NRG3: variants seen among roughly 807,000 people sequenced by gnomAD.
NRG3 encodes pro-neuregulin-3, membrane-bound isoform.
A neutral mutation model predicts 66.9 loss-of-function variants in NRG3; 31 were observed. The ratio of observed to expected loss-of-function variants is 0.46; its 90% CI spans 0.35 to 0.63. NRG3 has a LOEUF of 0.63. Ranked by LOEUF, NRG3 falls within the 20% of genes least tolerant of loss-of-function variation. The probability of loss-of-function intolerance (pLI) is 0.00; values close to 1 mark genes in which losing one functional copy is unlikely to be tolerated. For synonymous variants in NRG3, 393 were observed against 359.4 expected (o/e 1.09, Z -1.06); for missense variants, 910 against 878.9 (o/e 1.04, Z -0.45).
At chr10:82,298,059 A>T (rs1303110390) in intron 1 of NRG3, among the ~76,000 whole-genome samples, 1 of 152,078 alleles carries the variant, frequency 6.6e-6, no homozygotes, top group Non-Finnish European at 1.5e-5. Flanking sequence ...TGAGAGGATC[A>T]CTTGAGTCCA....
chr10:82,236,699 G>GA (rs1278398780), intron 1 of NRG3, among the ~76,000 whole-genome samples: 1 of 142,006 alleles, frequency 7.0e-6, no homozygotes, highest in Admixed American at 7.3e-5. Flanking sequence ...TTCTCCATAT[G>GA]AAAACTAGAA....
chr10:82,179,488 C>G (rs191706616), intron 1 of NRG3, among the ~76,000 whole-genome samples: 42 of 152,036 alleles, frequency 2.8e-4, no homozygotes, highest in Admixed American at 2.1e-3. Flanking sequence ...TTCTGAACAT[C>G]ATTTGTTTAA....
chr10:82,668,816 AG>A (rs1318774273), intron 2 of NRG3, among the ~76,000 whole-genome samples: 1 of 152,134 alleles, frequency 6.6e-6, no homozygotes, highest in Non-Finnish European at 1.5e-5. Context: ...TTTCACAAGT[AG>A]AAGGAAACGA....
intron 1 of NRG3, among the ~76,000 whole-genome samples, chr10:82,105,494 A>T (rs1221811282): frequency 6.6e-6 from 1 of 152,184 alleles, no homozygotes; most frequent in East Asian, 1.9e-4. Context: ...GCATTGCAGC[A>T]TTAATATATG....
chr10:82,863,034 C>T (rs566813419), intron 3 of NRG3, among the ~76,000 whole-genome samples: 1 of 152,200 alleles, frequency 6.6e-6, no homozygotes, highest in East Asian at 1.9e-4. Context: ...CAACAGGCCC[C>T]AGTGTGTGAT....
chr10:82,719,520 G>A (rs144322995), intron 2 of NRG3, among the ~76,000 whole-genome samples: 133 of 152,236 alleles, frequency 8.7e-4, no homozygotes, highest in Non-Finnish European at 2.4e-4. Context: ...CTTGACCAAC[G>A]GCTTTGAGGG....
At position 81,879,933 on chromosome 10, in the gene NRG3, A is replaced by G. The variant is rs117299832; in HGVS notation, c.823+3770A>G. Among the ~76,000 whole-genome samples, 41 of 152,342 alleles carry G rather than the reference A, an allele frequency of 2.7e-4. No homozygotes were observed. The East Asian group carries it at 6.2e-3, about 23-fold the overall frequency. ...GAGTCGAGGCCTTTAAAGGCATCCA[A>G]CGTAGAAGGTACTGACCCCAATCAT... On this transcript the variant is annotated intron_variant, in intron 1 of 8. Transcript: ENST00000372141.
Position 82,870,145 on chromosome 10 carries a change from G to A in NRG3, c.1054+4708G>A, listed in dbSNP as rs1279148377. Among the ~76,000 whole-genome samples, 3 of 151,556 alleles carry A rather than the reference G, an allele frequency of 2.0e-5. No individual in the cohort carries two copies. The East Asian group carries it at 5.8e-4, about 30-fold the overall frequency. ...AGCCTCCCAAAGTGCTAGGATTACA[G>A]GCGTGAGCCACCACGCCTGGCCCCA... On this transcript the variant is annotated intron_variant, in intron 4 of 8. Transcript: ENST00000372141.
At chr10:82,645,541 C>T (rs2050871053) in intron 2 of NRG3, among the ~76,000 whole-genome samples, 1 of 152,206 alleles carries the variant, frequency 6.6e-6, no homozygotes. Context: ...AATGTGCAAA[C>T]TCTTTCTGCC....
intron 1 of NRG3, among the ~76,000 whole-genome samples, chr10:82,279,135 C>A (rs1213445773): frequency 2.0e-5 from 3 of 152,128 alleles, no homozygotes; most frequent in Non-Finnish European, 4.4e-5. Context: ...CATAAATAGT[C>A]ATTTCACAGG....
At chr10:82,076,643 G>C (rs1172860705) in intron 1 of NRG3, among the ~76,000 whole-genome samples, 1 of 152,086 alleles carries the variant, frequency 6.6e-6, no homozygotes, top group Non-Finnish European at 1.5e-5. Flanking sequence ...GTTCACAGGA[G>C]AGCTCCTTGT....
At position 82,321,955 on chromosome 10, in the gene NRG3, T is replaced by C. The variant is rs1394058619; in HGVS notation, c.824-36784T>C. On this transcript the variant is annotated intron_variant, in intron 1 of 8. Coordinates refer to ENST00000372141, the MANE Select transcript of NRG3 (RefSeq NM_001010848.4). ...CTGTCTGAATTAGAGAATAATGGCA[T>C]GATGAGGTCAATGACAGCTCTGAAA... Among the ~76,000 whole-genome samples, 3 of 152,324 alleles carry C rather than the reference T, an allele frequency of 2.0e-5. No individual in the cohort carries two copies. In the East Asian group the frequency reaches 5.8e-4, roughly 29 times the overall value.
chr10:82,346,952 C>T (rs1404749640), intron 1 of NRG3, among the ~76,000 whole-genome samples: 1 of 152,008 alleles, frequency 6.6e-6, no homozygotes, highest in African/African-American at 2.4e-5. Flanking sequence ...TGATTCTTCT[C>T]TCTTTTTTTC....
chr10:81,961,204 G>C (rs952437057), intron 1 of NRG3, among the ~76,000 whole-genome samples: 2 of 152,154 alleles, frequency 1.3e-5, no homozygotes, highest in African/African-American at 2.4e-5. Context: ...CATGAATAAT[G>C]ATGAATTGCA....
chr10:82,092,875 G>A (rs918692456), intron 1 of NRG3, among the ~76,000 whole-genome samples: 1 of 152,136 alleles, frequency 6.6e-6, no homozygotes, highest in Admixed American at 6.5e-5. Context: ...ACTGCTTGGT[G>A]CTGTTGCTGC....
At chr10:82,669,280 A>G (rs2053059448) in intron 2 of NRG3, among the ~76,000 whole-genome samples, 1 of 143,510 alleles carries the variant, frequency 7.0e-6, no homozygotes, top group Non-Finnish European at 1.5e-5. Flanking sequence ...TAATAATAAT[A>G]ATAATAATCA....
intron 2 of NRG3, among the ~76,000 whole-genome samples, chr10:82,702,590 G>C (rs1483125956): frequency 1.3e-5 from 2 of 152,158 alleles, no homozygotes; most frequent in Non-Finnish European, 2.9e-5. Context: ...GTTGGAGTGA[G>C]GCAGATACAG....
chr10:82,160,899 A>C (rs1263981686), intron 1 of NRG3, among the ~76,000 whole-genome samples: 2 of 152,048 alleles, frequency 1.3e-5, no homozygotes, highest in Middle Eastern at 3.2e-3. Context: ...GGGAAATATA[A>C]ACTAGAATAA....
intron 1 of NRG3, among the ~76,000 whole-genome samples, chr10:81,947,062 G>A (rs750647477): frequency 9.9e-5 from 15 of 152,148 alleles, no homozygotes; most frequent in Admixed American, 2.6e-4. Flanking sequence ...GTGCCATGCT[G>A]TCTCTGAAAC....
Sources: allele counts gnomAD v4.1 joint callset (sites outside exome capture counted in the v4.1 genomes callset), GRCh38; gene constraint gnomAD v4.1.1; transcripts MANE v1.5; gene names NCBI Gene and HGNC (gene_info 2026-07-23, HGNC 2026-07-21).